Variants in MID2 observed in about 807,000 individuals in gnomAD.
The protein encoded by MID2 is probable E3 ubiquitin-protein ligase MID2.
In MID2, 13 loss-of-function variants were observed where a neutral mutation model predicts 46.1. That is an observed-to-expected ratio of 0.28 (90% CI 0.18 to 0.45). The LOEUF (loss-of-function observed/expected upper bound fraction) is 0.45, where lower values mean the gene tolerates loss of function less well. Among genes scored for constraint, MID2 ranks in the 20% least tolerant of loss-of-function variants. The probability of loss-of-function intolerance (pLI) is 1.00; values close to 1 mark genes in which losing one functional copy is unlikely to be tolerated. For synonymous variants in MID2, 199 were observed against 212.3 expected, an observed-to-expected ratio of 0.94 and a Z score of 0.55; for missense variants, 431 against 575.4, an observed-to-expected ratio of 0.75 and a Z score of 2.57.
intron 9 of MID2, 177 bp downstream of exon 9, chrX:107,926,478 A>G: frequency 3.4e-6 from 2 of 596,703 alleles, no homozygotes; most frequent in Non-Finnish European, 5.1e-6. Context: ...ATACTGGGCT[A>G]GGAGATGGAA....
intron 1 of MID2, among the ~76,000 whole-genome samples, chrX:107,837,024 T>G (rs954589355): frequency 1.8e-5 from 2 of 111,528 alleles, no homozygotes. Flanking sequence ...AATGCATATA[T>G]GACATACAAA....
intron 1 of MID2, among the ~76,000 whole-genome samples, chrX:107,826,739 C>A (rs1305794009): frequency 8.8e-6 from 1 of 113,234 alleles, no homozygotes; most frequent in Admixed American, 9.2e-5. Flanking sequence ...CCGGGCCCGG[C>A]GCGGGCAGTC....
At chrX:107,841,620 G>A (rs1931349904) in intron 2 of MID2, among the ~76,000 whole-genome samples, 1 of 112,475 alleles carries the variant, frequency 8.9e-6, no homozygotes, top group Non-Finnish European at 1.9e-5. Context: ...CTCATGGCCT[G>A]CAACACCAGT....
At chrX:107,914,796 T>C (rs947402832) in intron 5 of MID2, among the ~76,000 whole-genome samples, 17 of 112,318 alleles carry the variant, frequency 1.5e-4, no homozygotes, top group Admixed American at 1.1e-3. Context: ...AAAATATACC[T>C]CAATTTTTTG....
At chrX:107,840,130 G>T (rs748271799) in intron 1 of MID2, among the ~76,000 whole-genome samples, 1 of 112,571 alleles carries the variant, frequency 8.9e-6, no homozygotes, top group African/African-American at 3.2e-5. Context: ...TGCACCAAGG[G>T]CTACATTTTT....
chrX:107,922,229 A>G (rs989772642), intron 7 of MID2, among the ~76,000 whole-genome samples: 9 of 111,477 alleles, frequency 8.1e-5, no homozygotes, highest in African/African-American at 2.9e-4. Context: ...TCCCAACATC[A>G]ACACATGTAC....
chrX:107,851,580 A>G (rs753557282), intron 2 of MID2, among the ~76,000 whole-genome samples: 9 of 110,425 alleles, frequency 8.2e-5, no homozygotes, highest in Non-Finnish European at 1.1e-4. Context: ...TTTTGCTGCT[A>G]GGTTAATCTC....
chrX:107,875,152 C>G (rs1165403864), intron 3 of MID2, among the ~76,000 whole-genome samples: 2 of 111,621 alleles, frequency 1.8e-5, no homozygotes, highest in Admixed American at 9.5e-5. Context: ...GAGGGATCCT[C>G]AAATGCAAAC....
chrX:107,870,413 A>G (rs1932038672), intron 3 of MID2, among the ~76,000 whole-genome samples: 1 of 110,579 alleles, frequency 9.0e-6, no homozygotes, highest in African/African-American at 3.3e-5. Flanking sequence ...TGTTCTTTCA[A>G]AGTTTATGGA....
intron 3 of MID2, among the ~76,000 whole-genome samples, chrX:107,875,891 C>A (rs1317429002): frequency 9.0e-6 from 1 of 111,486 alleles, no homozygotes; most frequent in East Asian, 2.8e-4. Flanking sequence ...TTCAGAACTA[C>A]CTGGGGCTCC....
chrX:107,845,564 G>A (rs1931452207), intron 2 of MID2, among the ~76,000 whole-genome samples: 1 of 83,175 alleles, frequency 1.2e-5, no homozygotes, highest in East Asian at 3.5e-4. Context: ...CTCTCAGCAA[G>A]ACTGGGACAG....
chrX:107,880,171 C>G (rs369056158), intron 3 of MID2, among the ~76,000 whole-genome samples: 3 of 109,607 alleles, frequency 2.7e-5, no homozygotes, highest in East Asian at 5.7e-4. Flanking sequence ...GGGTCTGGCT[C>G]TGTCACCCAG....
chrX:107,872,254 A>G (rs7055611), intron 3 of MID2, among the ~76,000 whole-genome samples: 5,567 of 112,049 alleles, frequency 0.05, 365 homozygotes, highest in African/African-American at 0.17. Context: ...GTGCAAAGAA[A>G]CAAGTTTTAC....
chrX:107,886,350 GT>G (rs1225064457), intron 3 of MID2, among the ~76,000 whole-genome samples: 2 of 111,942 alleles, frequency 1.8e-5, no homozygotes, highest in African/African-American at 6.5e-5. Context: ...TGGCTAGCCA[GT>G]TTTCCCAGCA....
At chrX:107,839,553 G>T (rs756609681) in intron 1 of MID2, among the ~76,000 whole-genome samples, 112 of 110,593 alleles carry the variant, frequency 1.0e-3, no homozygotes, top group Non-Finnish European at 8.7e-4. Context: ...TGCATTTTTA[G>T]TAGAGACAGG....
At chrX:107,828,310 CTTTTTT>C (rs766362742) in intron 1 of MID2, among the ~76,000 whole-genome samples, 4 of 83,023 alleles carry the variant, frequency 4.8e-5, no homozygotes, top group African/African-American at 2.2e-4. Context: ...TCTTTCTTTT[CTTTTTT>C]TTTTTTTTTT....
rs1931996201 is a variant in MID2 at position 107,868,169 on chromosome X, G to T, written c.816+13465G>T. ...CTTAAAATTAAAAAAGTTAAGCAAG[G>T]TACTGGCATGTAGAGAGTAACTGAA... On this transcript the variant is annotated intron_variant, in intron 3 of 9. Transcript: ENST00000262843. Among the ~76,000 whole-genome samples, 13 of 111,055 alleles carry T rather than the reference G, an allele frequency of 1.2e-4. No individual in the cohort carries two copies. The Admixed American group carries it at 1.2e-3, about 11-fold the overall frequency.
intron 1 of MID2, among the ~76,000 whole-genome samples, chrX:107,826,923 C>T (rs1930967537): frequency 8.8e-6 from 1 of 113,207 alleles, no homozygotes; most frequent in African/African-American, 3.2e-5. Flanking sequence ...CGGGGAGGCC[C>T]GGTGAAACTT....
At chrX:107,902,286 C>G (rs1014996337) in intron 3 of MID2, among the ~76,000 whole-genome samples, 4 of 111,794 alleles carry the variant, frequency 3.6e-5, no homozygotes, top group African/African-American at 9.8e-5. Flanking sequence ...TTTAAGAAAC[C>G]AGGTACGACA....
Sources: allele counts gnomAD v4.1 joint callset (sites outside exome capture counted in the v4.1 genomes callset), GRCh38; gene constraint gnomAD v4.1.1; transcripts MANE v1.5; gene names NCBI Gene and HGNC (gene_info 2026-07-23, HGNC 2026-07-21).